Variants in LRRC4C observed in about 807,000 individuals in gnomAD.
LRRC4C encodes the protein leucine-rich repeat-containing protein 4C.
Under a neutral mutation model 33.6 loss-of-function variants are expected in LRRC4C, and 5 were observed. The ratio of observed to expected loss-of-function variants is 0.15; its 90% confidence interval spans 0.08 to 0.31. The LOEUF (loss-of-function observed/expected upper bound fraction) is 0.31. Among genes scored for constraint, LRRC4C ranks in the 10% least tolerant of loss-of-function variants. The pLI is 1.00. For missense variants in LRRC4C, 560 were observed against 796.7 expected (o/e 0.70, Z 3.58); for synonymous variants, 329 against 302.0 (o/e 1.09, Z -0.93).
At chr11:41,177,970 G>A (rs538170743) in intron 1 of LRRC4C, among the ~76,000 whole-genome samples, 36 of 152,224 alleles carry the variant, frequency 2.4e-4, no homozygotes, top group African/African-American at 8.2e-4. Context: ...ACCTCAACTC[G>A]GAAAAAAGCC....
At chr11:40,950,660 T>G (rs1331995023) in intron 1 of LRRC4C, among the ~76,000 whole-genome samples, 1 of 151,932 alleles carries the variant, frequency 6.6e-6, no homozygotes, top group African/African-American at 2.4e-5. Flanking sequence ...TGGAGAAAAA[T>G]AGAACAATAC....
intron 1 of LRRC4C, among the ~76,000 whole-genome samples, chr11:41,077,769 CT>C (rs1939264115): frequency 6.6e-6 from 1 of 152,208 alleles, no homozygotes. Flanking sequence ...TAAATTTCTT[CT>C]CCAGAAAATG....
chr11:40,704,700 G>A (rs969042909), intron 2 of LRRC4C, among the ~76,000 whole-genome samples: 3 of 152,102 alleles, frequency 2.0e-5, no homozygotes, highest in Non-Finnish European at 2.9e-5. Flanking sequence ...TTATGATCAG[G>A]ATTAATTAAA....
chr11:40,547,843 G>A (rs1197797858), intron 3 of LRRC4C, among the ~76,000 whole-genome samples: 1 of 152,102 alleles, frequency 6.6e-6, no homozygotes, highest in Non-Finnish European at 1.5e-5. Context: ...TTTCACAAAG[G>A]CCAGAGAATA....
chr11:41,053,275 T>C (rs556791395), intron 1 of LRRC4C, among the ~76,000 whole-genome samples: 2 of 152,336 alleles, frequency 1.3e-5, no homozygotes, highest in South Asian at 4.1e-4. Context: ...TAGGAGACAC[T>C]TTCTCCTTAA....
chr11:41,408,181 G>A (rs1189982392), intron 1 of LRRC4C, among the ~76,000 whole-genome samples: 1 of 152,144 alleles, frequency 6.6e-6, no homozygotes, highest in Non-Finnish European at 1.5e-5. Flanking sequence ...AAAATTCCAA[G>A]CCGGTTGTAT....
At chr11:40,876,004 C>T (rs1954870083) in intron 2 of LRRC4C, among the ~76,000 whole-genome samples, 1 of 152,058 alleles carries the variant, frequency 6.6e-6, no homozygotes, top group East Asian at 1.9e-4. Flanking sequence ...TGGTTGCTGT[C>T]ACTGTAGAAA....
At chr11:40,722,057 A>G (rs1245041537) in intron 2 of LRRC4C, among the ~76,000 whole-genome samples, 3 of 152,204 alleles carry the variant, frequency 2.0e-5, no homozygotes, top group Non-Finnish European at 2.9e-5. Flanking sequence ...TATGTGTTGT[A>G]TTACGTTTTT....
In LRRC4C at chr11:41,241,322, G is replaced by A. The variant is rs371582924; in HGVS notation, c.-496+218109C>T. 1.8e-4 allele frequency among the ~76,000 whole-genome samples: 28 copies of A among 152,206 alleles called. No homozygotes were observed. In the East Asian group the frequency reaches 2.1e-3, roughly 12 times the overall value. ...CATGTTCCCTAGAATAACTAACCAG[G>A]TTTTTAGAAGCAGTAACCCTTTCCA... On this transcript the variant is annotated intron_variant, in intron 1 of 6. Transcript: ENST00000528697.
intron 6 of LRRC4C, among the ~76,000 whole-genome samples, chr11:40,123,637 C>A (rs1192239008): frequency 6.6e-6 from 1 of 151,824 alleles, no homozygotes; most frequent in African/African-American, 2.4e-5. Flanking sequence ...TTAGAAGAAA[C>A]AATAGGATTA....
chr11:40,899,435 C>T (rs995650531), intron 2 of LRRC4C, among the ~76,000 whole-genome samples: 1 of 152,112 alleles, frequency 6.6e-6, no homozygotes, highest in Admixed American at 6.6e-5. Flanking sequence ...AGCATGAATA[C>T]CTATGCTGGA....
chr11:40,786,549 G>T (rs558245238), intron 2 of LRRC4C, among the ~76,000 whole-genome samples: 2 of 152,252 alleles, frequency 1.3e-5, no homozygotes, highest in East Asian at 1.9e-4. Context: ...ATACCTCTGA[G>T]AGTTTTTTGA....
intron 5 of LRRC4C, among the ~76,000 whole-genome samples, chr11:40,189,252 G>GT (rs76945278): frequency 2.6e-5 from 4 of 152,004 alleles, no homozygotes; most frequent in East Asian, 3.9e-4. Context: ...TCTTTTTAAT[G>GT]TTTTTTAAAA....
intron 5 of LRRC4C, among the ~76,000 whole-genome samples, chr11:40,180,765 G>A (rs1463530095): frequency 1.3e-5 from 2 of 152,166 alleles, no homozygotes; most frequent in Non-Finnish European, 2.9e-5. Flanking sequence ...GCATGTGTGT[G>A]TGCATGTGTG....
intron 3 of LRRC4C, among the ~76,000 whole-genome samples, chr11:40,331,962 T>C (rs1946383622): frequency 6.6e-6 from 1 of 152,192 alleles, no homozygotes; most frequent in South Asian, 2.1e-4. Context: ...TCAGCTTCTC[T>C]AGAGAACCCT....
chr11:40,981,089 G>A (rs1312113854), intron 1 of LRRC4C, among the ~76,000 whole-genome samples: 1 of 152,178 alleles, frequency 6.6e-6, no homozygotes, highest in African/African-American at 2.4e-5. Flanking sequence ...TGGGGGCTGG[G>A]ATTCAAACCA....
intron 1 of LRRC4C, among the ~76,000 whole-genome samples, chr11:41,216,580 A>G (rs1210939160): frequency 6.6e-6 from 1 of 152,146 alleles, no homozygotes; most frequent in Non-Finnish European, 1.5e-5. Flanking sequence ...AGCAGCAACA[A>G]TGGTAAAGAC....
At chr11:40,728,202 G>A (rs766702322) in intron 2 of LRRC4C, among the ~76,000 whole-genome samples, 3 of 152,142 alleles carry the variant, frequency 2.0e-5, no homozygotes, top group Non-Finnish European at 2.9e-5. Context: ...TGGTGGGAAT[G>A]TAAATCAGTT....
At chr11:40,146,029 A>G (rs1048376466) in intron 5 of LRRC4C, among the ~76,000 whole-genome samples, 1 of 152,196 alleles carries the variant, frequency 6.6e-6, no homozygotes, top group Non-Finnish European at 1.5e-5. Flanking sequence ...AGAAGATGGT[A>G]TATATAAAAT....
Sources: allele counts gnomAD v4.1 joint callset (sites outside exome capture counted in the v4.1 genomes callset), GRCh38; gene constraint gnomAD v4.1.1; transcripts MANE v1.5; gene names NCBI Gene and HGNC (gene_info 2026-07-23, HGNC 2026-07-21).